The following ADAM10 variants were observed in gnomAD, a reference collection of about 807,000 sequenced individuals.
ADAM10 encodes disintegrin and metalloproteinase domain-containing protein 10.
ADAM10 carries 17 observed loss-of-function variants against 90.1 expected under a neutral mutation model. That is an observed-to-expected ratio of 0.19 (90% CI 0.13 to 0.28). The LOEUF (loss-of-function observed/expected upper bound fraction) is 0.28. ADAM10 is among the 10% of genes least tolerant of loss of function. ADAM10 has a pLI of 1.00. For synonymous variants in ADAM10, 310 were observed against 298.6 expected (o/e 1.04, Z -0.40); for missense variants, 610 against 914.3 (o/e 0.67, Z 4.29).
chr15:58,722,866 AG>A (rs1377160039), intron 1 of ADAM10, among the ~76,000 whole-genome samples: 1 of 150,832 alleles, frequency 6.6e-6, no homozygotes, highest in Non-Finnish European at 1.5e-5. Flanking sequence ...CCAGTAGCTC[AG>A]GCTACAGGCA....
At chr15:58,684,779 C>T (rs1447013977) in intron 2 of ADAM10, among the ~76,000 whole-genome samples, 1 of 152,088 alleles carries the variant, frequency 6.6e-6, no homozygotes, top group Admixed American at 6.5e-5. Flanking sequence ...GCAGGTGGTC[C>T]GAAGTACAGG....
chr15:58,712,063 T>C (rs1278785320), intron 2 of ADAM10, among the ~76,000 whole-genome samples: 1 of 152,184 alleles, frequency 6.6e-6, no homozygotes, highest in Non-Finnish European at 1.5e-5. Context: ...AATGAAGTTT[T>C]TCTCATGCTA....
At chr15:58,635,021 T>C (rs1896209612) in intron 8 of ADAM10, among the ~76,000 whole-genome samples, 1 of 151,740 alleles carries the variant, frequency 6.6e-6, no homozygotes. Context: ...TGAATTACTG[T>C]TAAAATTCAG....
In ADAM10 at chr15:58,591,487, T is replaced by A. The variant is rs1297446440; in HGVS notation, c.*6060A>T. On this transcript the variant is annotated 3_prime_UTR_variant, in exon 16 of 16. Coordinates refer to ENST00000260408, the MANE Select transcript of ADAM10 (RefSeq NM_001110.4). ...TATTTTGCCCAGGCTGGTCTCTAAC[T>A]CCTGAGCTCAAGTGATCCTCCCACC... The A allele has an allele frequency of 6.6e-6, 1 of 152,168 alleles. No homozygotes were observed. The highest frequency in any genetic ancestry group is 1.5e-5 in the Non-Finnish European group (1 of 68,024). The allele number at this position is 152,168 out of a possible 1,614,324, so 9.4% of individuals were successfully genotyped here.
intron 2 of ADAM10, among the ~76,000 whole-genome samples, chr15:58,701,072 A>T (rs1356658781): frequency 6.6e-6 from 1 of 151,930 alleles, no homozygotes; most frequent in African/African-American, 2.4e-5. Flanking sequence ...CTCAAAAAAC[A>T]ATAGGAAGGA....
In ADAM10 at chr15:58,686,464, G is replaced by A. The variant is rs1214304913; in HGVS notation, c.207-4150C>T. 5 of 1,395,652 alleles carry A rather than the reference G, an allele frequency of 3.6e-6. No individual in the cohort carries two copies. The East Asian group carries it at 9.7e-5, about 27-fold the overall frequency. 86.5% of individuals were successfully genotyped at this position (1,395,652 alleles called of 1,614,324 possible). The stretch of plus-strand genomic sequence containing the variant: ...TGCAGTGCCTGGTGGAGCAGCTCAA[G>A]TTGGAGGCTGGCGTGGAGAGGATCA... On this transcript the variant is annotated intron_variant, in intron 2 of 15. Coordinates refer to ENST00000260408, the MANE Select transcript of ADAM10 (RefSeq NM_001110.4).
chr15:58,713,471 T>C (rs1162667373), intron 2 of ADAM10, among the ~76,000 whole-genome samples: 1 of 152,128 alleles, frequency 6.6e-6, no homozygotes, highest in Non-Finnish European at 1.5e-5. Context: ...AGATTCACAC[T>C]CTGCACTTCA....
Position 58,646,201 on chromosome 15 carries a change from G to T in ADAM10, c.589C>A (p.Pro197Thr), listed in dbSNP as rs1275566941. ...CCATTAGCAGCATGTTCTTCTTGAG[G>T]TATCTATACATCAAAAAGTCATTTC... ...MTGVEEVTQI[P>T]QEEHAANGPE... The change falls in exon 6 of 16, where the codon CCT becomes ACT. Residue 197 changes from proline (P) to threonine (T), a missense_variant. This residue lies in a region of ADAM10 where 310 missense variants were observed against 362.4 expected (regional missense o/e 0.86). Coordinates refer to ENST00000260408, the MANE Select transcript of ADAM10 (RefSeq NM_001110.4). 1 of 1,611,934 alleles carries T rather than the reference G, an allele frequency of 6.2e-7. No homozygotes were observed. Among genetic ancestry groups the T allele is most frequent in the Non-Finnish European group, 8.5e-7 (1 of 1,179,520 alleles).
intron 5 of ADAM10, among the ~76,000 whole-genome samples, chr15:58,648,915 A>T (rs1596027327): frequency 6.6e-6 from 1 of 151,990 alleles, no homozygotes; most frequent in Non-Finnish European, 1.5e-5. Flanking sequence ...CAAAGTTTAC[A>T]TCTTGTGCTG....
intron 12 of ADAM10, 179 bp from the exon 13 acceptor site, chr15:58,611,286 A>T: frequency 1.7e-6 from 1 of 594,900 alleles, no homozygotes; most frequent in Non-Finnish European, 3.0e-6. Flanking sequence ...AAAAAATTTG[A>T]AAAACAGTAA....
In ADAM10 at chr15:58,596,667, A is replaced by G. The variant is rs1324838980; in HGVS notation, c.*880T>C. The G allele has an allele frequency of 6.6e-6, 1 of 152,340 alleles. No individual in the cohort carries two copies. Among genetic ancestry groups the G allele is most frequent in the Admixed American group, 6.5e-5 (1 of 15,280 alleles). 9.4% of individuals were successfully genotyped at this position (152,340 alleles called of 1,614,324 possible). On this transcript the variant is annotated 3_prime_UTR_variant, in exon 16 of 16. Transcript: ENST00000260408. ...TCTATCAAAGCATGAATAAAATTTCACCTATTAATTGAAAAATGGAATTGA... is the reference window on the plus strand; with the variant it reads ...TCTATCAAAGCATGAATAAAATTTCGCCTATTAATTGAAAAATGGAATTGA...
chr15:58,658,324 T>C (rs1354861260), intron 5 of ADAM10, among the ~76,000 whole-genome samples: 2 of 152,192 alleles, frequency 1.3e-5, no homozygotes, highest in African/African-American at 4.8e-5. Context: ...CAACTGACCA[T>C]GTGGACTCTC....
chr15:58,730,943 G>A (rs1899215513), intron 1 of ADAM10, among the ~76,000 whole-genome samples: 2 of 152,316 alleles, frequency 1.3e-5, no homozygotes, highest in African/African-American at 4.8e-5. Context: ...CAGACATTAA[G>A]ACTAAAATGA....
At chr15:58,715,909 TG>T (rs1898644538) in intron 2 of ADAM10, among the ~76,000 whole-genome samples, 1 of 152,202 alleles carries the variant, frequency 6.6e-6, no homozygotes, top group East Asian at 1.9e-4. Context: ...AAACCATATT[TG>T]GTATAGATTA....
intron 10 of ADAM10, among the ~76,000 whole-genome samples, chr15:58,622,941 A>G (rs1378050813): frequency 6.6e-6 from 1 of 152,248 alleles, no homozygotes; most frequent in African/African-American, 2.4e-5. Context: ...GGCAAAACAC[A>G]GACTATATCT....
At chr15:58,685,818 T>C (rs1165494149) in intron 2 of ADAM10, among the ~76,000 whole-genome samples, 1 of 151,932 alleles carries the variant, frequency 6.6e-6, no homozygotes, top group Non-Finnish European at 1.5e-5. Flanking sequence ...AAAAATAAAA[T>C]GTAAGTTAAA....
chr15:58,633,465 A>G, intron 8 of ADAM10, 106 bp from the exon 9 acceptor site: 2 of 987,560 alleles, frequency 2.0e-6, no homozygotes, highest in Non-Finnish European at 1.5e-6. Context: ...TTAATCTAAA[A>G]TAGAACTGGT....
chr15:58,698,575 CA>C (rs138309518), intron 2 of ADAM10, among the ~76,000 whole-genome samples: 61,401 of 115,404 alleles, frequency 0.53, 13,911 homozygotes, highest in Middle Eastern at 0.59. Context: ...GACCTTGTCT[CA>C]AAAAAAAAAA....
intron 10 of ADAM10, among the ~76,000 whole-genome samples, chr15:58,624,794 A>G (rs1895890632): frequency 6.6e-6 from 1 of 152,170 alleles, no homozygotes; most frequent in Non-Finnish European, 1.5e-5. Flanking sequence ...TGGCCTCCCA[A>G]AGTGCTGCGA....
Sources: gnomAD v4.1 joint callset for allele counts (sites outside exome capture counted in the v4.1 genomes callset) on GRCh38, gnomAD v4.1.1 for gene constraint, gnomAD v4.1.1 regional missense constraint, MANE v1.5 for transcripts, NCBI Gene and HGNC (gene_info 2026-07-23, HGNC 2026-07-21) for gene names.